MCC: variants seen among roughly 807,000 people sequenced by gnomAD.
MCC encodes colorectal mutant cancer protein.
A neutral mutation model predicts 116.2 loss-of-function variants in MCC; 90 were observed. The observed-to-expected ratio is 0.77, with a 90% CI of 0.65 to 0.92. MCC has a LOEUF of 0.92. Ranked by LOEUF, MCC falls within the 40% of genes least tolerant of loss-of-function variation. The pLI is 0.00. For missense variants in MCC, 1,516 were observed against 1,312.2 expected (o/e 1.16, Z -2.40); for synonymous variants, 578 against 510.5 (o/e 1.13, Z -1.78).
At chr5:113,214,996 A>C (rs1049714289) in intron 3 of MCC, among the ~76,000 whole-genome samples, 1 of 151,798 alleles carries the variant, frequency 6.6e-6, no homozygotes, top group Non-Finnish European at 1.5e-5. Context: ...CTTTGCACAC[A>C]AACCATTTCC....
chr5:113,123,120 C>T lies in MCC; in HGVS notation c.885-294G>A, dbSNP rs184652807. Among the ~76,000 whole-genome samples the T allele has an allele frequency of 3.5e-4, 54 of 152,288 alleles. 1 individual carries two copies. Among genetic ancestry groups the T allele is most frequent in the Admixed American group, 2.5e-3 (39 of 15,300 alleles). ...GATTCCTGAAGAAACTAGATTTCTT[C>T]GCCTCCTCAAATTCCGAGGAGAATA... On this transcript the variant is annotated intron_variant, in intron 5 of 18. Transcript: ENST00000408903.
In MCC at chr5:113,155,007, A is replaced by G. The variant is rs143126426; in HGVS notation, c.628-3585T>C. Among the ~76,000 whole-genome samples the G allele has an allele frequency of 2.7e-3, 413 of 152,242 alleles. 9 individuals are homozygous for G. Among genetic ancestry groups the G allele is most frequent in the Admixed American group, 0.026 (394 of 15,300 alleles). On this transcript the variant is annotated intron_variant, in intron 3 of 18. Transcript: ENST00000408903. ...TCTAACTGCATGTTTTTACCCATTAACCAACCTCTCTCTTCATCCCTCCCC... is the reference window on the plus strand; with the variant it reads ...TCTAACTGCATGTTTTTACCCATTAGCCAACCTCTCTCTTCATCCCTCCCC...
intron 1 of MCC, among the ~76,000 whole-genome samples, chr5:113,431,865 C>T (rs1421887803): frequency 6.6e-6 from 1 of 150,650 alleles, no homozygotes; most frequent in Non-Finnish European, 1.5e-5. Flanking sequence ...GGGCGGGGTA[C>T]AGTGGCTCAC....
At chr5:113,385,888 G>A (rs974607142) in intron 1 of MCC, among the ~76,000 whole-genome samples, 30 of 152,268 alleles carry the variant, frequency 2.0e-4, no homozygotes, top group African/African-American at 7.0e-4. Context: ...ATAGATCTAA[G>A]ATAAGAGGGC....
intron 1 of MCC, among the ~76,000 whole-genome samples, chr5:113,440,648 G>A (rs909527564): frequency 6.6e-6 from 1 of 151,790 alleles, no homozygotes; most frequent in Non-Finnish European, 1.5e-5. Context: ...AAGGAGGGAA[G>A]GAAAAAACAA....
At chr5:113,164,604 C>T (rs1327840971) in intron 3 of MCC, among the ~76,000 whole-genome samples, 1 of 152,192 alleles carries the variant, frequency 6.6e-6, no homozygotes. Context: ...AGAATTCTCA[C>T]AGTAAACCGA....
intron 2 of MCC, among the ~76,000 whole-genome samples, chr5:113,369,646 T>G (rs1341377581): frequency 6.6e-6 from 1 of 152,184 alleles, no homozygotes; most frequent in Non-Finnish European, 1.5e-5. Context: ...TTTCCACCTT[T>G]GGGCTACATA....
intron 4 of MCC, among the ~76,000 whole-genome samples, chr5:113,146,951 T>C (rs1475335895): frequency 3.9e-5 from 6 of 152,188 alleles, no homozygotes; most frequent in African/African-American, 1.4e-4. Context: ...CATAAATTTC[T>C]GGAGGCCATT....
At chr5:113,407,988 A>G (rs1580340476) in intron 1 of MCC, among the ~76,000 whole-genome samples, 1 of 152,204 alleles carries the variant, frequency 6.6e-6, no homozygotes, top group African/African-American at 2.4e-5. Flanking sequence ...TAGGTCTCCT[A>G]ACTTCTTTCC....
intron 3 of MCC, among the ~76,000 whole-genome samples, chr5:113,337,910 A>G (rs911869127): frequency 6.6e-6 from 1 of 152,188 alleles, no homozygotes; most frequent in East Asian, 1.9e-4. Flanking sequence ...CCTTCTGAGT[A>G]GACCCTGAGT....
chr5:113,432,466 A>C (rs1032841806), intron 1 of MCC: 1 of 152,044 alleles, frequency 6.6e-6, no homozygotes, highest in Non-Finnish European at 1.5e-5. Context: ...GACTTTACTC[A>C]ATTTCGTGTC....
At position 113,371,216 on chromosome 5, in the gene MCC, G is replaced by A. The variant is rs1291289577; in HGVS notation, c.415+13752C>T. Among the ~76,000 whole-genome samples, 6 of 152,268 alleles carry A rather than the reference G, an allele frequency of 3.9e-5. No individual in the cohort carries two copies. In the East Asian group the frequency reaches 7.7e-4, roughly 20 times the overall value. ...AGCCTGGGTGACAGACTAAGACTCC[G>A]TCTCAAAAAACAGAAAGTAAAAAAA... On this transcript the variant is annotated intron_variant, in intron 2 of 18. Coordinates refer to ENST00000408903, the MANE Select transcript of MCC (RefSeq NM_001085377.2).
At chr5:113,360,448 T>C (rs149967997) in intron 2 of MCC, among the ~76,000 whole-genome samples, 1 of 152,202 alleles carries the variant, frequency 6.6e-6, no homozygotes. Context: ...AATTAGCCCA[T>C]AATTTTTATT....
chr5:113,359,294 A>G (rs1370586344), intron 2 of MCC, among the ~76,000 whole-genome samples: 1 of 152,220 alleles, frequency 6.6e-6, no homozygotes, highest in East Asian at 1.9e-4. Context: ...GCTAAGAAAG[A>G]AAGAAATGAG....
chr5:113,069,574 CT>C (rs1418798114), intron 12 of MCC, among the ~76,000 whole-genome samples: 1 of 152,136 alleles, frequency 6.6e-6, no homozygotes, highest in Admixed American at 6.5e-5. Flanking sequence ...GATTGCCTTT[CT>C]TTTTTTTCTT....
At chr5:113,057,480 A>T (rs1331052448) in intron 14 of MCC, among the ~76,000 whole-genome samples, 2 of 139,964 alleles carry the variant, frequency 1.4e-5, no homozygotes, top group African/African-American at 5.4e-5. Flanking sequence ...CATCAGCATT[A>T]TGTTTTCTCA....
chr5:113,352,935 G>A (rs958559361), intron 2 of MCC, among the ~76,000 whole-genome samples: 1 of 152,100 alleles, frequency 6.6e-6, no homozygotes, highest in Non-Finnish European at 1.5e-5. Flanking sequence ...AATATGATTT[G>A]GGTTTTGTCT....
intron 6 of MCC, among the ~76,000 whole-genome samples, chr5:113,114,812 T>G (rs12188482): frequency 0.46 from 69,673 of 152,002 alleles, 17,565 homozygotes; most frequent in East Asian, 0.72. Flanking sequence ...CTCCCCTTCC[T>G]GCTGAGAGCC....
intron 3 of MCC, among the ~76,000 whole-genome samples, chr5:113,155,842 A>G (rs1387725733): frequency 1.3e-5 from 2 of 152,200 alleles, no homozygotes; most frequent in African/African-American, 2.4e-5. Context: ...TTAGCTGGTC[A>G]TATTTCTGCT....
Sources: allele counts gnomAD v4.1 joint callset (sites outside exome capture counted in the v4.1 genomes callset), GRCh38; gene constraint gnomAD v4.1.1; transcripts MANE v1.5; gene names NCBI Gene and HGNC (gene_info 2026-07-23, HGNC 2026-07-21).